STK24: variants seen among roughly 807,000 people sequenced by gnomAD.
STK24 encodes the protein serine/threonine-protein kinase 24.
Under a neutral mutation model 55.6 loss-of-function variants are expected in STK24, and 21 were observed. That is an observed-to-expected ratio of 0.38 (90% CI 0.27 to 0.54). The LOEUF (loss-of-function observed/expected upper bound fraction) is 0.54, where lower values mean the gene tolerates loss of function less well. STK24 is among the 20% of genes least tolerant of loss of function. The probability of loss-of-function intolerance (pLI) is 0.79; values close to 1 mark genes in which losing one functional copy is unlikely to be tolerated. For synonymous variants in STK24, 200 were observed against 215.2 expected, an observed-to-expected ratio of 0.93 and a Z score of 0.62; for missense variants, 383 against 538.4, an observed-to-expected ratio of 0.71 and a Z score of 2.86.
At chr13:98,457,440 T>A in intron 9 of STK24, 136 bp from the exon 10 acceptor site, 1 of 1,191,542 alleles carries the variant, frequency 8.4e-7, no homozygotes, top group Non-Finnish European at 1.2e-6. Context: ...AAGCTTTGGC[T>A]AGGGCTCCAG....
In STK24 at chr13:98,448,985, T is replaced by C. The variant is rs1893046317; in HGVS notation, c.*4188A>G. 1 of 152,244 alleles carries C rather than the reference T, an allele frequency of 6.6e-6. No individual in the cohort carries two copies. The highest frequency in any genetic ancestry group is 2.1e-4 in the South Asian group (1 of 4,832). 9.4% of individuals were successfully genotyped at this position (152,244 alleles called of 1,614,324 possible). ...ACCAAATCGTTTTAAGTGGTAACTC[T>C]TTCCAACCGTAGCAGGGTTGTTTTC... is the stretch of plus-strand genomic sequence containing the variant. On this transcript the variant is annotated 3_prime_UTR_variant, in exon 11 of 11. Transcript: ENST00000539966.
At chr13:98,506,723 T>TG (rs1478117864) in intron 2 of STK24, among the ~76,000 whole-genome samples, 8 of 152,114 alleles carry the variant, frequency 5.3e-5, no homozygotes, top group Non-Finnish European at 1.0e-4. Flanking sequence ...AGTACAGAGG[T>TG]GAGCATCGGC....
At chr13:98,573,234 GAA>G (rs893757232) in intron 1 of STK24, among the ~76,000 whole-genome samples, 3 of 152,188 alleles carry the variant, frequency 2.0e-5, no homozygotes, top group Non-Finnish European at 2.9e-5. Flanking sequence ...CAGAAAAGTT[GAA>G]AAGTGACTGA....
chr13:98,545,103 A>G (rs1322056259), intron 1 of STK24, among the ~76,000 whole-genome samples: 1 of 152,246 alleles, frequency 6.6e-6, no homozygotes, highest in African/African-American at 2.4e-5. Flanking sequence ...TAAAGCTGCA[A>G]ACTACCTAGG....
intron 3 of STK24, among the ~76,000 whole-genome samples, chr13:98,476,410 G>A (rs1894380057): frequency 6.6e-6 from 1 of 152,188 alleles, no homozygotes; most frequent in African/African-American, 2.4e-5. Flanking sequence ...CCCCATTCTT[G>A]GTTTTCAGAC....
chr13:98,549,085 C>G (rs1036519317), intron 1 of STK24, among the ~76,000 whole-genome samples: 1 of 152,142 alleles, frequency 6.6e-6, no homozygotes, highest in African/African-American at 2.4e-5. Flanking sequence ...GTAGATAACA[C>G]ATGCTGTGAA....
chr13:98,478,320 T>C (rs1488997811), intron 3 of STK24, among the ~76,000 whole-genome samples: 3 of 152,236 alleles, frequency 2.0e-5, no homozygotes, highest in East Asian at 1.9e-4. Flanking sequence ...ACAGGGACTA[T>C]TGGCCGGGGC....
chr13:98,460,482 G>A (rs756669433), intron 8 of STK24, 42 bp from the exon 9 acceptor site: 38 of 1,549,524 alleles, frequency 2.5e-5, no homozygotes, highest in Non-Finnish European at 3.0e-5. Context: ...AACAGTTGAC[G>A]TTCACATTGG....
rs966124253 is a variant in STK24 at position 98,446,450 on chromosome 13, A to G, written c.*6723T>C. 2 of 607,700 alleles carry G rather than the reference A, an allele frequency of 3.3e-6. No homozygotes were observed. Among genetic ancestry groups the G allele is most frequent in the Non-Finnish European group, 5.8e-6 (2 of 344,116 alleles). The allele number at this position is 607,700 out of a possible 1,614,324, so 37.6% of individuals were successfully genotyped here. ...CACCTGTCTTCTGCCTGGACAAGGG[A>G]CGGGGGTTGGCTTTATCTACAGCTC... On this transcript the variant is annotated 3_prime_UTR_variant, in exon 11 of 11. Coordinates refer to ENST00000539966, the MANE Select transcript of STK24 (RefSeq NM_001032296.4).
chr13:98,446,242 T>G lies in STK24; in HGVS notation c.*6931A>C. On this transcript the variant is annotated 3_prime_UTR_variant, in exon 11 of 11. Coordinates refer to ENST00000539966, the MANE Select transcript of STK24 (RefSeq NM_001032296.4). ...GCACAGGGCAGGTGGCCCTGGGACC[T>G]TGGGGGTGGCAGCATGAGGTGAGGG... 7 of 1,431,096 alleles carry G rather than the reference T, an allele frequency of 4.9e-6. No individual in the cohort carries two copies. Among genetic ancestry groups the G allele is most frequent in the Non-Finnish European group, 6.9e-6 (7 of 1,017,350 alleles). The allele number at this position is 1,431,096 out of a possible 1,614,324, so 88.6% of individuals were successfully genotyped here.
At chr13:98,522,116 T>C in intron 1 of STK24, 1 of 1,283,524 alleles carries the variant, frequency 7.8e-7, no homozygotes, top group Non-Finnish European at 9.9e-7. Context: ...AGTGCTGCAA[T>C]GTCGTGTCTG....
intron 2 of STK24, among the ~76,000 whole-genome samples, chr13:98,495,227 T>C (rs1201110249): frequency 3.9e-5 from 6 of 152,248 alleles, no homozygotes; most frequent in Non-Finnish European, 7.3e-5. Flanking sequence ...GAGAATTGAT[T>C]TGCCTCCCTG....
At chr13:98,548,942 A>G (rs1226952524) in intron 1 of STK24, among the ~76,000 whole-genome samples, 5 of 151,730 alleles carry the variant, frequency 3.3e-5, no homozygotes, top group Non-Finnish European at 7.4e-5. Context: ...GGCTCTCCCA[A>G]GGTATGCCCT....
At chr13:98,532,787 TCTA>T (rs1896616079) in intron 1 of STK24, among the ~76,000 whole-genome samples, 1 of 152,226 alleles carries the variant, frequency 6.6e-6, no homozygotes, top group Non-Finnish European at 1.5e-5. Context: ...TTACAATAAA[TCTA>T]CTAATTACTA....
chr13:98,453,007 GCA>G lies in STK24; in HGVS notation c.*164_*165del. ...ATCTGAGAGACTTCATCTGGCTGCA[GCA>G]CAGTGAAGACTGTGTGTGTCCCTGG... On this transcript the variant is annotated 3_prime_UTR_variant, in exon 11 of 11. Transcript: ENST00000539966. The G allele has an allele frequency of 1.6e-6, 1 of 633,004 alleles. No homozygotes were observed. Among genetic ancestry groups the G allele is most frequent in the Non-Finnish European group, 2.7e-6 (1 of 372,420 alleles). 39.2% of individuals were successfully genotyped at this position (633,004 alleles called of 1,614,324 possible). A position where few individuals can be genotyped will look rare whatever the true frequency, so the allele number is the denominator to read the frequency against.
Position 98,450,351 on chromosome 13 carries a change from A to AATTG in STK24, c.*2821_*2822insCAAT, listed in dbSNP as rs1893128617. 6.6e-6 allele frequency: 1 copy of AATTG among 152,230 alleles called. No homozygotes were observed. The highest frequency in any genetic ancestry group is 6.5e-5 in the Admixed American group (1 of 15,286). The allele number at this position is 152,230 out of a possible 1,614,324, so 9.4% of individuals were successfully genotyped here. A position where few individuals can be genotyped will look rare whatever the true frequency, so the allele number is the denominator to read the frequency against. ...GAGGGAAATATAAAAAATGTTTATA[A>AATTG]ACTGACAGTGTTTTGCCAGAGGAAA... On this transcript the variant is annotated 3_prime_UTR_variant, in exon 11 of 11. Transcript: ENST00000539966.
At chr13:98,558,115 T>G (rs1460129490) in intron 1 of STK24, among the ~76,000 whole-genome samples, 1 of 152,212 alleles carries the variant, frequency 6.6e-6, no homozygotes, top group Non-Finnish European at 1.5e-5. Context: ...CATAAGCTCC[T>G]TGAAGACGGA....
intron 9 of STK24, among the ~76,000 whole-genome samples, chr13:98,458,906 A>G (rs1893582692): frequency 6.6e-6 from 1 of 152,232 alleles, no homozygotes; most frequent in Non-Finnish European, 1.5e-5. Context: ...ATACACAATA[A>G]ACACTCTGAA....
Position 98,452,331 on chromosome 13 carries a change from T to A in STK24, c.*842A>T, listed in dbSNP as rs1241552849. ...ACAAATGTCAGACGAGAGCGCTTCA[T>A]GGGGAGAAACTGAAAATTATAATTT... On this transcript the variant is annotated 3_prime_UTR_variant, in exon 11 of 11. Coordinates refer to ENST00000539966, the MANE Select transcript of STK24 (RefSeq NM_001032296.4). 2.0e-5 allele frequency: 3 copies of A among 152,436 alleles called. No individual in the cohort carries two copies. The highest frequency in any genetic ancestry group is 4.4e-5 in the Non-Finnish European group (3 of 68,008). 9.4% of individuals were successfully genotyped at this position (152,436 alleles called of 1,614,324 possible). A position where few individuals can be genotyped will look rare whatever the true frequency, so the allele number is the denominator to read the frequency against.
Sources: gnomAD v4.1 joint callset for allele counts (sites outside exome capture counted in the v4.1 genomes callset) on GRCh38, gnomAD v4.1.1 for gene constraint, MANE v1.5 for transcripts, NCBI Gene and HGNC (gene_info 2026-07-23, HGNC 2026-07-21) for gene names.